The following CHN2 variants were observed in gnomAD, a reference collection of about 807,000 sequenced individuals.
CHN2 encodes beta-chimaerin.
In CHN2, 35 loss-of-function variants were observed where a neutral mutation model predicts 56.3. The observed-to-expected ratio is 0.62, with a 90% CI of 0.47 to 0.82. The LOEUF is 0.82. CHN2 is among the 40% of genes least tolerant of loss of function. CHN2 has a pLI of 0.00. For missense variants in CHN2, 491 were observed against 580.5 expected (o/e 0.85, Z 1.58); for synonymous variants, 210 against 212.8 (o/e 0.99, Z 0.12).
intron 2 of CHN2, among the ~76,000 whole-genome samples, chr7:29,180,603 T>C (rs978802773): frequency 6.6e-6 from 1 of 151,986 alleles, no homozygotes; most frequent in East Asian, 1.9e-4. Flanking sequence ...TAAATCAAAT[T>C]AAGGCAAATG....
chr7:29,299,518 C>T (rs1402387980), intron 1 of CHN2, among the ~76,000 whole-genome samples: 6 of 152,126 alleles, frequency 3.9e-5, no homozygotes, highest in Non-Finnish European at 1.5e-5. Flanking sequence ...CTGCTGCTTG[C>T]TAGCTCTTTG....
At chr7:29,341,303 G>C (rs1797039131) in intron 1 of CHN2, among the ~76,000 whole-genome samples, 1 of 152,190 alleles carries the variant, frequency 6.6e-6, no homozygotes, top group Non-Finnish European at 1.5e-5. Context: ...AGACAAACAA[G>C]GATGTGGCAA....
At chr7:29,184,659 G>A (rs1798488634) in intron 2 of CHN2, 1 of 152,216 alleles carries the variant, frequency 6.6e-6, no homozygotes, top group Non-Finnish European at 1.5e-5. Context: ...CAACTGATGT[G>A]ATGGGGCCCA....
chr7:29,512,008 C>T (rs557459931), intron 12 of CHN2, among the ~76,000 whole-genome samples: 87 of 152,178 alleles, frequency 5.7e-4, no homozygotes, highest in Non-Finnish European at 1.0e-3. Context: ...TCCAGTCTGG[C>T]GACATTCCAG....
At chr7:29,273,357 A>ATATATATATATATATATATGTG (rs1790872761) in intron 1 of CHN2, among the ~76,000 whole-genome samples, 1 of 76,062 alleles carries the variant, frequency 1.3e-5, no homozygotes, top group Admixed American at 1.2e-4. Flanking sequence ...ATATATATAT[A>ATATATATATATATATATATGTG]TATATATATA....
At chr7:29,162,641 A>G (rs1265227663) in intron 2 of CHN2, among the ~76,000 whole-genome samples, 3 of 151,292 alleles carry the variant, frequency 2.0e-5, no homozygotes, top group Non-Finnish European at 4.4e-5. Flanking sequence ...AGCCTGGGCA[A>G]CAAGAGTGAA....
intron 3 of CHN2, among the ~76,000 whole-genome samples, chr7:29,372,777 A>G (rs1774961664): frequency 6.6e-6 from 1 of 152,210 alleles, no homozygotes; most frequent in South Asian, 2.1e-4. Flanking sequence ...GACTAATCCA[A>G]GTTTCTTCTT....
intron 1 of CHN2, among the ~76,000 whole-genome samples, chr7:29,351,918 C>G (rs1487907933): frequency 1.3e-5 from 2 of 152,110 alleles, no homozygotes; most frequent in African/African-American, 2.4e-5. Flanking sequence ...ACTTCTTCCT[C>G]TAGGTTATGT....
At chr7:29,441,527 A>G (rs374851160) in intron 6 of CHN2, among the ~76,000 whole-genome samples, 3 of 152,222 alleles carry the variant, frequency 2.0e-5, no homozygotes, top group Non-Finnish European at 4.4e-5. Context: ...CAGAGAACCT[A>G]CAAAATGGAG....
At position 29,437,471 on chromosome 7, in the gene CHN2, G is replaced by A. The variant is rs1379190035; in HGVS notation, c.576+36643G>A. Among the ~76,000 whole-genome samples, 9 of 131,342 alleles carry A rather than the reference G, an allele frequency of 6.9e-5. No homozygotes were observed. In the East Asian group the frequency reaches 1.6e-3, roughly 23 times the overall value. 86.2% of individuals were successfully genotyped at this position (131,342 alleles called of 152,430 possible). ...AAATTAGCCGGGCGTGGTGGCGGGC[G>A]CCTGTAGTCCCAGCTACTCGGGAGG... is the stretch of plus-strand genomic sequence containing the variant. On this transcript the variant is annotated intron_variant, in intron 6 of 12. Coordinates refer to ENST00000222792, the MANE Select transcript of CHN2 (RefSeq NM_004067.4).
intron 1 of CHN2, among the ~76,000 whole-genome samples, chr7:29,245,711 C>T (rs1396362182): frequency 6.6e-6 from 1 of 152,202 alleles, no homozygotes; most frequent in Non-Finnish European, 1.5e-5. Context: ...GAGCTAATTA[C>T]AGGACTGACA....
At chr7:29,412,296 G>A (rs77704541) in intron 6 of CHN2, among the ~76,000 whole-genome samples, 1,597 of 139,926 alleles carry the variant, frequency 0.011, 13 homozygotes, top group Non-Finnish European at 0.017. Context: ...ATTTCAGTAA[G>A]ATTAAGGCGC....
At chr7:29,263,947 G>T (rs960476110) in intron 1 of CHN2, among the ~76,000 whole-genome samples, 1 of 140,084 alleles carries the variant, frequency 7.1e-6, no homozygotes, top group African/African-American at 2.9e-5. Flanking sequence ...GCCCCCGCCC[G>T]GCCAGCCGCC....
intron 1 of CHN2, among the ~76,000 whole-genome samples, chr7:29,257,096 C>G (rs2128826907): frequency 6.6e-6 from 1 of 152,310 alleles, no homozygotes; most frequent in Middle Eastern, 3.4e-3. Context: ...CCCAGGCTGC[C>G]TGGTCTGAAA....
intron 6 of CHN2, among the ~76,000 whole-genome samples, chr7:29,472,116 G>T (rs1002794089): frequency 3.3e-5 from 5 of 152,032 alleles, no homozygotes; most frequent in Admixed American, 3.3e-4. Context: ...TCGGCAATTG[G>T]AGCTTATTTC....
intron 8 of CHN2, among the ~76,000 whole-genome samples, chr7:29,497,162 A>G (rs765541462): frequency 7.9e-5 from 12 of 152,284 alleles, no homozygotes; most frequent in Non-Finnish European, 1.6e-4. Flanking sequence ...GGGGTGGTCA[A>G]CATAGCTCAG....
intron 6 of CHN2, among the ~76,000 whole-genome samples, chr7:29,405,155 ATGT>A (rs2128089953): frequency 6.9e-6 from 1 of 144,232 alleles, no homozygotes; most frequent in Non-Finnish European, 1.5e-5. Flanking sequence ...TGGAGTGCTT[ATGT>A]CACCATACAC....
At chr7:29,370,970 A>G (rs1799559841) in intron 3 of CHN2, among the ~76,000 whole-genome samples, 1 of 152,212 alleles carries the variant, frequency 6.6e-6, no homozygotes, top group Non-Finnish European at 1.5e-5. Flanking sequence ...TACCTAACAC[A>G]GAGCCAACCA....
chr7:29,455,292 C>T (rs1784667556), intron 6 of CHN2, among the ~76,000 whole-genome samples: 2 of 152,106 alleles, frequency 1.3e-5, no homozygotes, highest in African/African-American at 4.8e-5. Flanking sequence ...GCTGGTGATG[C>T]GGGATTAGTA....
Sources: gnomAD v4.1 joint callset for allele counts (sites outside exome capture counted in the v4.1 genomes callset) on GRCh38, gnomAD v4.1.1 for gene constraint, MANE v1.5 for transcripts, NCBI Gene and HGNC (gene_info 2026-07-23, HGNC 2026-07-21) for gene names.